Variants in STARD13 observed in about 807,000 individuals in gnomAD.
STARD13 encodes stAR-related lipid transfer protein 13.
STARD13 carries 62 observed loss-of-function variants against 106.4 expected under a neutral mutation model. That is an observed-to-expected ratio of 0.58 (90% confidence interval 0.48 to 0.72). STARD13 has a LOEUF of 0.72. STARD13 is among the 30% of genes least tolerant of loss of function. The pLI is 0.00. For synonymous variants in STARD13, 565 were observed against 553.0 expected (o/e 1.02, Z -0.31); for missense variants, 1,387 against 1,424.0 (o/e 0.97, Z 0.42).
chr13:33,496,256 G>A, the STARD13 span, among the ~76,000 whole-genome samples: 1 of 146,544 alleles, frequency 6.8e-6, no homozygotes, highest in Non-Finnish European at 1.5e-5. Flanking sequence ...ATTTACATAT[G>A]CATTATAGAA....
At chr13:33,544,594 C>G in the STARD13 span, among the ~76,000 whole-genome samples, 4 of 152,060 alleles carry the variant, frequency 2.6e-5, no homozygotes, top group Non-Finnish European at 5.9e-5. Flanking sequence ...TAAGCTTCCC[C>G]CTCTCTGCTC....
the STARD13 span, among the ~76,000 whole-genome samples, chr13:33,541,861 C>T: frequency 6.6e-6 from 1 of 152,194 alleles, no homozygotes; most frequent in African/African-American, 2.4e-5. Flanking sequence ...TGGTTGTTTC[C>T]TTGCAGCATC....
the STARD13 span, among the ~76,000 whole-genome samples, chr13:33,421,195 T>C: frequency 1.3e-5 from 2 of 152,232 alleles, no homozygotes; most frequent in East Asian, 1.9e-4. Flanking sequence ...GATAAACTGC[T>C]AGTAAGACTA....
intron 3 of STARD13, among the ~76,000 whole-genome samples, 190 bp from the exon 4 acceptor site, chr13:33,142,563 G>A (rs867277324): frequency 6.6e-6 from 1 of 152,154 alleles, no homozygotes. Context: ...CCTGACCTGA[G>A]AGGACTCTAC....
chr13:33,139,172 C>T (rs901437429), intron 4 of STARD13, among the ~76,000 whole-genome samples: 1 of 152,180 alleles, frequency 6.6e-6, no homozygotes, highest in African/African-American at 2.4e-5. Flanking sequence ...GCTGAGGAAA[C>T]ATGAGACCCT....
chr13:33,370,511 G>A, the STARD13 span, among the ~76,000 whole-genome samples: 1 of 151,884 alleles, frequency 6.6e-6, no homozygotes, highest in East Asian at 1.9e-4. Context: ...AATTTAATCA[G>A]TATCCTGGTA....
chr13:33,450,113 G>A, the STARD13 span, among the ~76,000 whole-genome samples: 1 of 152,058 alleles, frequency 6.6e-6, no homozygotes, highest in African/African-American at 2.4e-5. Context: ...AGGACTTCCA[G>A]GACTATGTTC....
the STARD13 span, among the ~76,000 whole-genome samples, chr13:33,528,271 T>TATATATATATATATATATATATATATAC: frequency 7.9e-6 from 1 of 127,248 alleles, no homozygotes; most frequent in African/African-American, 3.3e-5. Flanking sequence ...TATATATATA[T>TATATATATATATATATATATATATATAC]ATACTCTTTT....
chr13:33,464,712 G>C, the STARD13 span, among the ~76,000 whole-genome samples: 1 of 152,144 alleles, frequency 6.6e-6, no homozygotes, highest in Non-Finnish European at 1.5e-5. Flanking sequence ...AGCTAGGTGT[G>C]GTGGCGGGCA....
the STARD13 span, among the ~76,000 whole-genome samples, chr13:33,459,060 T>A: frequency 2.0e-5 from 3 of 152,142 alleles, no homozygotes; most frequent in Non-Finnish European, 4.4e-5. Flanking sequence ...ATTATTTTAA[T>A]CTTGCTGTCT....
In STARD13 at chr13:33,130,426, G is replaced by T. The variant is rs1246239848; in HGVS notation, c.388-137C>A. 1.0e-5 allele frequency: 8 copies of T among 791,990 alleles called. No individual in the cohort carries two copies. The highest frequency in any genetic ancestry group is 1.6e-5 in the Non-Finnish European group (8 of 502,396). 49.1% of individuals were successfully genotyped at this position (791,990 alleles called of 1,614,324 possible). Reference sequence around the variant, plus strand: ...CCCATGCACAGGTGTGAGCTTCTTGGGCACCTCTAAGCTGTCCTTCTACCA... The same window carrying T: ...CCCATGCACAGGTGTGAGCTTCTTGTGCACCTCTAAGCTGTCCTTCTACCA... On this transcript the variant is annotated intron_variant, in intron 4 of 13. Transcript: ENST00000336934. This position sits in a 1 kb window ranked among gnomAD's most constrained non-coding sequence, Gnocchi z 4.1.
At chr13:33,665,605 T>C in the STARD13 span, among the ~76,000 whole-genome samples, 1 of 152,348 alleles carries the variant, frequency 6.6e-6, no homozygotes, top group South Asian at 2.1e-4. Flanking sequence ...ATAGGATTAT[T>C]TCAGACAATG....
chr13:33,305,826 C>T (rs9569306), intron 1 of STARD13, among the ~76,000 whole-genome samples: 33,136 of 152,068 alleles, frequency 0.22, 4,384 homozygotes, highest in East Asian at 0.69. Context: ...ATCTTATACC[C>T]ATCACTTCTT....
intron 1 of STARD13, among the ~76,000 whole-genome samples, chr13:33,309,819 T>C (rs1336840737): frequency 6.6e-6 from 1 of 152,194 alleles, no homozygotes; most frequent in Non-Finnish European, 1.5e-5. Context: ...GAGTCTCTTC[T>C]GAGTCAAAGG....
intron 1 of STARD13, among the ~76,000 whole-genome samples, chr13:33,245,785 C>T (rs1251282513): frequency 6.6e-6 from 1 of 152,162 alleles, no homozygotes; most frequent in East Asian, 1.9e-4. Context: ...CTTTGTCTTC[C>T]ATGAGAAAAC....
intron 1 of STARD13, among the ~76,000 whole-genome samples, chr13:33,190,643 A>G (rs1379053835): frequency 2.7e-5 from 4 of 149,342 alleles, no homozygotes; most frequent in African/African-American, 7.4e-5. Flanking sequence ...CTGGAGTGCA[A>G]TGGCACAATC....
chr13:33,632,816 T>C, the STARD13 span, among the ~76,000 whole-genome samples: 2 of 139,444 alleles, frequency 1.4e-5, no homozygotes, highest in Admixed American at 1.4e-4. Flanking sequence ...TCTATATTCT[T>C]TTTTTTTTTT....
At chr13:33,525,384 A>G in the STARD13 span, among the ~76,000 whole-genome samples, 2 of 152,132 alleles carry the variant, frequency 1.3e-5, no homozygotes, top group South Asian at 4.1e-4. Flanking sequence ...CGATGTTCAT[A>G]TAGAGCCACA....
the STARD13 span, among the ~76,000 whole-genome samples, chr13:33,372,886 A>G: frequency 6.6e-6 from 1 of 152,118 alleles, no homozygotes; most frequent in Non-Finnish European, 1.5e-5. Context: ...ACAAATGTCC[A>G]CTAGCTTTTC....
Sources: gnomAD v4.1 joint callset for allele counts (sites outside exome capture counted in the v4.1 genomes callset) on GRCh38, gnomAD v4.1.1 for gene constraint, Gnocchi (gnomAD v3.1) non-coding constraint, MANE v1.5 for transcripts, NCBI Gene and HGNC (gene_info 2026-07-23, HGNC 2026-07-21) for gene names.